RALGPS1: variants seen among roughly 807,000 people sequenced by gnomAD.
The protein encoded by RALGPS1 is Ral GEF with PH domain and SH3 binding motif 1.
Under a neutral mutation model 78.8 loss-of-function variants are expected in RALGPS1, and 19 were observed. The observed-to-expected ratio is 0.24, with a 90% CI of 0.17 to 0.35. RALGPS1 has a LOEUF of 0.35. Ranked by LOEUF, RALGPS1 falls within the 10% of genes least tolerant of loss-of-function variation. The pLI is 1.00. For missense variants in RALGPS1, 454 were observed against 688.3 expected (o/e 0.66, Z 3.81); for synonymous variants, 228 against 256.3 (o/e 0.89, Z 1.06).
intron 7 of RALGPS1, among the ~76,000 whole-genome samples, chr9:127,063,742 T>G (rs2049418787): frequency 6.6e-6 from 1 of 152,236 alleles, no homozygotes; most frequent in Admixed American, 6.5e-5. Context: ...CAAATTTTCC[T>G]CCTAATGTGC....
At chr9:126,945,954 T>TTTTTTAGTA (rs1197136008) in intron 1 of RALGPS1, among the ~76,000 whole-genome samples, 4 of 152,240 alleles carry the variant, frequency 2.6e-5, no homozygotes. Context: ...AAAATGTACC[T>TTTTTTAGTA]TTTTTAGTGT....
Position 127,212,442 on chromosome 9 carries a change from C to T in RALGPS1, c.1354-185C>T, listed in dbSNP as rs548844142. 7.2e-5 allele frequency among the ~76,000 whole-genome samples: 11 copies of T among 152,252 alleles called. No individual in the cohort carries two copies. The highest frequency in any genetic ancestry group is 1.9e-4 in the East Asian group (1 of 5,178). The stretch of plus-strand genomic sequence containing the variant: ...GCTCCTTGAGTAAAGGAGCAAGAGA[C>T]GGGAGGGAAGACGCCTCCTGTCTTG... On this transcript the variant is annotated intron_variant, in intron 15 of 18. Transcript: ENST00000259351. This position sits in a 1 kb window ranked among gnomAD's most constrained non-coding sequence, Gnocchi z 6.0.
chr9:127,126,721 T>C (rs2056641106), intron 8 of RALGPS1, among the ~76,000 whole-genome samples: 1 of 152,264 alleles, frequency 6.6e-6, no homozygotes, highest in African/African-American at 2.4e-5. Context: ...AATTCCCATT[T>C]CTGGGATTCC....
chr9:127,130,412 T>C (rs1296823774), intron 8 of RALGPS1, among the ~76,000 whole-genome samples: 3 of 152,356 alleles, frequency 2.0e-5, no homozygotes, highest in African/African-American at 7.2e-5. Context: ...AGGTCATCAG[T>C]CATTTTGTAT....
chr9:127,111,421 C>G (rs1393121469), intron 8 of RALGPS1, among the ~76,000 whole-genome samples: 1 of 152,174 alleles, frequency 6.6e-6, no homozygotes, highest in Non-Finnish European at 1.5e-5. Flanking sequence ...ATGTGCAGTG[C>G]CTACCACGTG....
intron 7 of RALGPS1, among the ~76,000 whole-genome samples, chr9:127,064,444 G>A (rs995424474): frequency 3.3e-5 from 5 of 152,182 alleles, no homozygotes; most frequent in East Asian, 1.9e-4. Context: ...CTTATTATCA[G>A]CATTACATGC....
chr9:127,086,166 T>C (rs2051712467), intron 8 of RALGPS1, among the ~76,000 whole-genome samples: 2 of 152,178 alleles, frequency 1.3e-5, no homozygotes, highest in African/African-American at 4.8e-5. Context: ...TAGGCTTCAG[T>C]GCGTATCAGT....
intron 1 of RALGPS1, among the ~76,000 whole-genome samples, chr9:126,946,564 G>A (rs1381923028): frequency 2.0e-5 from 3 of 150,284 alleles, no homozygotes; most frequent in African/African-American, 7.3e-5. Context: ...AAAGATTGAG[G>A]GCTTTACAGA....
At chr9:126,930,483 C>CG (rs2035693097) in intron 1 of RALGPS1, among the ~76,000 whole-genome samples, 1 of 152,070 alleles carries the variant, frequency 6.6e-6, no homozygotes, top group Admixed American at 6.6e-5. Context: ...TGCTGTGTTG[C>CG]CCAGCCTGAA....
At chr9:127,125,664 G>C (rs150604018) in intron 8 of RALGPS1, among the ~76,000 whole-genome samples, 62 of 152,270 alleles carry the variant, frequency 4.1e-4, no homozygotes, top group African/African-American at 1.4e-3. Context: ...TTCTAACTTG[G>C]TGACTCCTGG....
intron 1 of RALGPS1, among the ~76,000 whole-genome samples, chr9:126,936,614 C>T (rs1368177778): frequency 6.6e-6 from 1 of 152,048 alleles, no homozygotes; most frequent in Non-Finnish European, 1.5e-5. Context: ...AGACAGTGGG[C>T]TGGTATCTCC....
rs115795011 is a variant in RALGPS1, at chr9:127,119,532, C to T, written c.611-46537C>T. 2.6e-3 allele frequency among the ~76,000 whole-genome samples: 391 copies of T among 152,328 alleles called. 2 individuals are homozygous for T. The highest frequency in any genetic ancestry group is 8.7e-3 in the African/African-American group (362 of 41,588). On this transcript the variant is annotated intron_variant, in intron 8 of 18. Transcript: ENST00000259351. ...ACTGTGTGACTTTGGGCAAGTTAAC[C>T]TCTCGAGACTTAGTTTTCCCATCTG...
intron 10 of RALGPS1, among the ~76,000 whole-genome samples, chr9:127,169,430 C>G (rs2059453009): frequency 6.6e-6 from 1 of 152,132 alleles, no homozygotes; most frequent in African/African-American, 2.4e-5. Context: ...ATTTATCCAG[C>G]ATTTCTATGT....
intron 8 of RALGPS1, chr9:127,088,893 G>A (rs1434963689): frequency 6.2e-7 from 1 of 1,608,880 alleles, no homozygotes; most frequent in African/African-American, 1.3e-5. Flanking sequence ...CGTGACCAGG[G>A]TGGGCTCCTG....
At position 127,112,268 on chromosome 9, in the gene RALGPS1, C is replaced by T. The variant is rs574161464; in HGVS notation, c.610+42912C>T. 7.9e-5 allele frequency among the ~76,000 whole-genome samples: 12 copies of T among 152,304 alleles called. No homozygotes were observed. The South Asian group carries it at 1.9e-3, about 24-fold the overall frequency. ...CAGCTGAGTTTGGAAGTGTTTGCCT[C>T]GTTTCCAACGGTGCTTTGGCTGCCC... On this transcript the variant is annotated intron_variant, in intron 8 of 18. Coordinates refer to ENST00000259351, the MANE Select transcript of RALGPS1 (RefSeq NM_014636.3).
At chr9:126,924,698 G>A (rs1037986363) in intron 1 of RALGPS1, among the ~76,000 whole-genome samples, 7 of 152,244 alleles carry the variant, frequency 4.6e-5, no homozygotes, top group African/African-American at 1.7e-4. Flanking sequence ...ACTGAAGGTA[G>A]TCTTATTCCT....
At chr9:127,080,139 C>T (rs1236822068) in intron 8 of RALGPS1, among the ~76,000 whole-genome samples, 1 of 152,044 alleles carries the variant, frequency 6.6e-6, no homozygotes, top group African/African-American at 2.4e-5. Context: ...AAGATGGGTG[C>T]CTGGGGATGA....
chr9:127,175,313 G>A (rs906985699), intron 11 of RALGPS1, among the ~76,000 whole-genome samples: 1 of 152,200 alleles, frequency 6.6e-6, no homozygotes, highest in African/African-American at 2.4e-5. Context: ...CACTTTACCT[G>A]TAATCTTCAG....
At chr9:126,959,053 A>G (rs2038630960) in intron 1 of RALGPS1, among the ~76,000 whole-genome samples, 1 of 145,584 alleles carries the variant, frequency 6.9e-6, no homozygotes, top group African/African-American at 2.5e-5. Context: ...CCATTCATGT[A>G]TCTTCTTCTT....
Sources: allele counts gnomAD v4.1 joint callset (sites outside exome capture counted in the v4.1 genomes callset), GRCh38; gene constraint gnomAD v4.1.1; non-coding constraint Gnocchi (gnomAD v3.1); transcripts MANE v1.5; gene names NCBI Gene and HGNC (gene_info 2026-07-23, HGNC 2026-07-21).